Variants in NARS2 observed in about 807,000 individuals in gnomAD.
The protein encoded by NARS2 is asparaginyl-tRNA synthetase 2, mitochondrial.
In NARS2, 60 loss-of-function variants were observed where a neutral mutation model predicts 62.9. The observed-to-expected ratio is 0.95, with a 90% confidence interval of 0.77 to 1.18. NARS2 has a LOEUF of 1.18. Among genes scored for constraint, NARS2 ranks in the 50% most tolerant of loss-of-function variants. The pLI, the probability that NARS2 is intolerant of heterozygous loss-of-function variation, is 0.00. For synonymous variants in NARS2, 196 were observed against 200.0 expected (o/e 0.98, Z 0.17); for missense variants, 619 against 576.4 (o/e 1.07, Z -0.76).
At chr11:78,517,838 C>T (rs1157066537) in intron 6 of NARS2, among the ~76,000 whole-genome samples, 1 of 152,114 alleles carries the variant, frequency 6.6e-6, no homozygotes, top group Non-Finnish European at 1.5e-5. Context: ...TCATTTATAC[C>T]GATAGTCTGT....
intron 11 of NARS2, among the ~76,000 whole-genome samples, chr11:78,452,773 T>C (rs1858018167): frequency 1.3e-5 from 2 of 152,182 alleles, no homozygotes; most frequent in South Asian, 4.1e-4. Context: ...AGCCTTCCTA[T>C]ATTACTCTTT....
chr11:78,492,100 T>C (rs1220897544), intron 7 of NARS2, among the ~76,000 whole-genome samples: 4 of 142,396 alleles, frequency 2.8e-5, no homozygotes, highest in African/African-American at 1.1e-4. Context: ...TATATATATA[T>C]ATATATATAC....
intron 5 of NARS2, among the ~76,000 whole-genome samples, chr11:78,559,264 C>G (rs1856474660): frequency 1.5e-5 from 2 of 130,612 alleles, no homozygotes; most frequent in African/African-American, 5.9e-5. Context: ...GATCACACCA[C>G]TGCACTCCAG....
intron 11 of NARS2, among the ~76,000 whole-genome samples, chr11:78,464,336 C>T (rs1565214866): frequency 6.6e-6 from 1 of 152,136 alleles, no homozygotes; most frequent in African/African-American, 2.4e-5. Flanking sequence ...AACAAAACTT[C>T]CACAGTGTGG....
At chr11:78,549,324 TC>T (rs1196324664) in intron 5 of NARS2, among the ~76,000 whole-genome samples, 1 of 152,168 alleles carries the variant, frequency 6.6e-6, no homozygotes, top group Non-Finnish European at 1.5e-5. Context: ...TGATCCATTG[TC>T]CCTTCCGCCA....
chr11:78,470,868 C>G (rs1858841009), intron 9 of NARS2, among the ~76,000 whole-genome samples: 1 of 143,850 alleles, frequency 7.0e-6, no homozygotes, highest in South Asian at 2.2e-4. Context: ...TAAAATACTG[C>G]ATCAGTATTT....
At chr11:78,563,800 C>T (rs1392169439) in intron 4 of NARS2, among the ~76,000 whole-genome samples, 1 of 113,526 alleles carries the variant, frequency 8.8e-6, no homozygotes, top group Non-Finnish European at 1.7e-5. Flanking sequence ...CACTGCACTC[C>T]AGCCTGGGCA....
intron 5 of NARS2, among the ~76,000 whole-genome samples, chr11:78,539,077 CATG>C (rs1167788847): frequency 1.4e-5 from 2 of 140,842 alleles, no homozygotes; most frequent in Non-Finnish European, 3.0e-5. Flanking sequence ...CTTTATAGAT[CATG>C]ATAAGGAGTT....
chr11:78,476,315 C>T (rs1485023478), intron 9 of NARS2, among the ~76,000 whole-genome samples: 1 of 152,204 alleles, frequency 6.6e-6, no homozygotes, highest in African/African-American at 2.4e-5. Context: ...TAGGCCTTAC[C>T]CCCAGGGTTC....
intron 5 of NARS2, among the ~76,000 whole-genome samples, chr11:78,538,973 C>A (rs1397290152): frequency 9.6e-6 from 1 of 104,178 alleles, no homozygotes. Context: ...CCAGCCTGGG[C>A]GACAGAGCGA....
intron 6 of NARS2, among the ~76,000 whole-genome samples, chr11:78,519,521 T>C (rs1386889351): frequency 2.0e-5 from 3 of 152,202 alleles, no homozygotes; most frequent in Admixed American, 1.3e-4. Flanking sequence ...AATATATGTA[T>C]ACAGTTAAAA....
chr11:78,565,962 C>T (rs1481414885), intron 4 of NARS2, among the ~76,000 whole-genome samples, 170 bp downstream of exon 4: 1 of 152,114 alleles, frequency 6.6e-6, no homozygotes, highest in Non-Finnish European at 1.5e-5. Flanking sequence ...ATGTCTGGCA[C>T]CCAAAGCTAG....
chr11:78,442,852 T>C (rs1436966920), intron 12 of NARS2, among the ~76,000 whole-genome samples: 1 of 152,204 alleles, frequency 6.6e-6, no homozygotes, highest in Non-Finnish European at 1.5e-5. Context: ...AATAGCTAAA[T>C]CAAGACCCTT....
chr11:78,510,058 C>A (rs762872521), intron 6 of NARS2, among the ~76,000 whole-genome samples: 6 of 151,824 alleles, frequency 4.0e-5, no homozygotes, highest in Non-Finnish European at 7.4e-5. Flanking sequence ...CACAGTAATG[C>A]AGAAAACAAG....
chr11:78,523,551 T>C (rs941213995), intron 6 of NARS2, among the ~76,000 whole-genome samples: 3 of 152,010 alleles, frequency 2.0e-5, no homozygotes, highest in Admixed American at 6.6e-5. Flanking sequence ...GAGCCAAAAG[T>C]AGAAACAACC....
intron 2 of NARS2, 64 bp from the exon 3 acceptor site, chr11:78,568,816 C>A: frequency 1.5e-6 from 2 of 1,310,076 alleles, no homozygotes; most frequent in Non-Finnish European, 2.1e-6. Flanking sequence ...TTAATATCAA[C>A]TTTGCAATAA....
intron 11 of NARS2, among the ~76,000 whole-genome samples, chr11:78,457,818 AC>A (rs1591142282): frequency 1.3e-5 from 2 of 151,710 alleles, no homozygotes; most frequent in Admixed American, 6.6e-5. Context: ...ACACACACAC[AC>A]ACACACACAA....
At chr11:78,495,580 TA>T (rs1485074379) in intron 6 of NARS2, among the ~76,000 whole-genome samples, 1 of 152,168 alleles carries the variant, frequency 6.6e-6, no homozygotes, top group Non-Finnish European at 1.5e-5. Flanking sequence ...GTGCCTAAGA[TA>T]AAACAGGTGC....
At chr11:78,515,817 C>A (rs1329129769) in intron 6 of NARS2, among the ~76,000 whole-genome samples, 1 of 152,194 alleles carries the variant, frequency 6.6e-6, no homozygotes, top group Non-Finnish European at 1.5e-5. Context: ...AGCCACTGCA[C>A]CTGGCCTGAA....
Sources: allele counts gnomAD v4.1 joint callset (sites outside exome capture counted in the v4.1 genomes callset), GRCh38; gene constraint gnomAD v4.1.1; transcripts MANE v1.5; gene names NCBI Gene and HGNC (gene_info 2026-07-23, HGNC 2026-07-21).